AGFG2: variants seen among roughly 807,000 people sequenced by gnomAD.
AGFG2 encodes arf-GAP domain and FG repeat-containing protein 2.
A neutral mutation model predicts 48.0 loss-of-function variants in AGFG2; 31 were observed. The observed-to-expected ratio is 0.65, with a 90% confidence interval of 0.49 to 0.87. The LOEUF (loss-of-function observed/expected upper bound fraction) is 0.87, where lower values mean the gene tolerates loss of function less well. Among genes scored for constraint, AGFG2 ranks in the 40% least tolerant of loss-of-function variants. The probability of loss-of-function intolerance (pLI) is 0.00; values close to 1 mark genes in which losing one functional copy is unlikely to be tolerated. For synonymous variants in AGFG2, 229 were observed against 260.8 expected, an observed-to-expected ratio of 0.88 and a Z score of 1.18; for missense variants, 599 against 632.6, an observed-to-expected ratio of 0.95 and a Z score of 0.57.
chr7:100,561,285 C>T (rs974667389), intron 6 of AGFG2, among the ~76,000 whole-genome samples: 1 of 152,154 alleles, frequency 6.6e-6, no homozygotes, highest in Middle Eastern at 3.4e-3. Context: ...TGCCACCATG[C>T]CTGGCTAATT....
In AGFG2 at chr7:100,562,483, C is replaced by T; in HGVS notation, c.998+104C>T. 1 of 1,598,384 alleles carries T rather than the reference C, an allele frequency of 6.3e-7. No homozygotes were observed. Among genetic ancestry groups the T allele is most frequent in the Non-Finnish European group, 8.5e-7 (1 of 1,171,566 alleles). ...GGCATCTCCTGGCAGTTCTCCCCTC[C>T]CCTCCTCTCCCTTACTCACCCTGGA... On this transcript the variant is annotated intron_variant, in intron 7 of 11. Transcript: ENST00000300176. The surrounding 1 kb of genome is among the most constrained non-coding windows in gnomAD (Gnocchi z 5.4).
chr7:100,557,258 AACTG>A (rs1393042648), intron 6 of AGFG2, among the ~76,000 whole-genome samples: 4 of 152,182 alleles, frequency 2.6e-5, no homozygotes, highest in Non-Finnish European at 4.4e-5. Context: ...TACTTAAAAT[AACTG>A]ACCGCATACC....
At chr7:100,546,923 C>T (rs1222052209) in intron 1 of AGFG2, among the ~76,000 whole-genome samples, 1 of 152,132 alleles carries the variant, frequency 6.6e-6, no homozygotes, top group Non-Finnish European at 1.5e-5. Flanking sequence ...GCCTTGCTTT[C>T]GTTTTTCCCT....
At chr7:100,564,396 T>G in intron 11 of AGFG2, 93 bp downstream of exon 11, 3 of 1,333,050 alleles carry the variant, frequency 2.3e-6, no homozygotes, top group Non-Finnish European at 3.1e-6. Context: ...GTGGCCCCTG[T>G]GCCCCTTCCT....
chr7:100,551,067 T>TATATATATATATATATATA (rs1562791931), intron 3 of AGFG2, among the ~76,000 whole-genome samples: 12 of 96,758 alleles, frequency 1.2e-4, no homozygotes, highest in Non-Finnish European at 1.7e-4. Flanking sequence ...TATATATATA[T>TATATATATATATATATATA]TTCTTTTTTT....
intron 10 of AGFG2, 79 bp from the exon 11 acceptor site, chr7:100,564,139 A>G (rs2131127095): frequency 1.9e-6 from 3 of 1,544,350 alleles, no homozygotes; most frequent in East Asian, 2.3e-5. Flanking sequence ...TTACTCCCCC[A>G]GTTTAGGAGG....
At chr7:100,563,592 C>T (rs1000387614) in intron 9 of AGFG2, among the ~76,000 whole-genome samples, 2 of 152,178 alleles carry the variant, frequency 1.3e-5, no homozygotes, top group Non-Finnish European at 2.9e-5. Context: ...GAGGCTAGCC[C>T]AGTCCTGCAC....
intron 6 of AGFG2, among the ~76,000 whole-genome samples, chr7:100,559,219 A>C (rs1489129187): frequency 1.3e-5 from 2 of 152,180 alleles, no homozygotes; most frequent in Non-Finnish European, 2.9e-5. Context: ...TTCATGCATT[A>C]TGTCCATGAG....
intron 6 of AGFG2, among the ~76,000 whole-genome samples, chr7:100,557,261 T>C (rs563733599): frequency 2.0e-5 from 3 of 151,490 alleles, no homozygotes; most frequent in Non-Finnish European, 4.4e-5. Context: ...TTAAAATAAC[T>C]GACCGCATAC....
chr7:100,552,370 T>G (rs1360073973), intron 3 of AGFG2, among the ~76,000 whole-genome samples: 4 of 152,250 alleles, frequency 2.6e-5, no homozygotes, highest in Non-Finnish European at 4.4e-5. Context: ...ATATACATAT[T>G]TGATGCAAAT....
chr7:100,548,611 C>T (rs1160460289), intron 1 of AGFG2, among the ~76,000 whole-genome samples: 1 of 152,118 alleles, frequency 6.6e-6, no homozygotes, highest in African/African-American at 2.4e-5. Context: ...CTGTGCCTGG[C>T]CTCTCTTTGG....
intron 3 of AGFG2, among the ~76,000 whole-genome samples, chr7:100,551,885 CAAAAA>C (rs59484677): frequency 4.2e-4 from 7 of 16,852 alleles, no homozygotes; most frequent in Admixed American, 7.1e-4. Flanking sequence ...GAGACTGTCT[CAAAAA>C]AAAAAAAAAA....
intron 4 of AGFG2, 27 bp from the exon 5 acceptor site, chr7:100,554,066 G>A (rs765664721): frequency 1.2e-6 from 2 of 1,602,414 alleles, no homozygotes; most frequent in Admixed American, 1.7e-5. Context: ...GGATTCTAAG[G>A]GCTGTATGCA....
chr7:100,542,710 G>A (rs1420939807), intron 1 of AGFG2, among the ~76,000 whole-genome samples: 1 of 152,190 alleles, frequency 6.6e-6, no homozygotes, highest in African/African-American at 2.4e-5. Flanking sequence ...CTGGAGGCAT[G>A]GCTCCATGGT....
intron 1 of AGFG2, among the ~76,000 whole-genome samples, chr7:100,541,744 C>T (rs7799695): frequency 3.5e-5 from 5 of 143,200 alleles, no homozygotes; most frequent in South Asian, 2.2e-4. Flanking sequence ...CAGTCTGGGT[C>T]GCAGAGCGAG....
Position 100,554,203 on chromosome 7 carries a change from C to G in AGFG2, c.696C>G (p.Asp232Glu), listed in dbSNP as rs747557845. ...STDLLADIGG[D>E]PFAAPQMAPA... ...ACCTGCTGGCTGACATCGGTGGAGACCCCTTTGCTGCACCCCAGATGGCAC... is the reference window on the plus strand; with the variant it reads ...ACCTGCTGGCTGACATCGGTGGAGAGCCCTTTGCTGCACCCCAGATGGCAC... Residue 232 changes from aspartate to glutamate, a missense_variant, in exon 5 of 12, where the codon GAC becomes GAG. Transcript: ENST00000300176. 2 of 1,614,066 alleles carry G rather than the reference C, an allele frequency of 1.2e-6. No homozygotes were observed. Among genetic ancestry groups the G allele is most frequent in the African/African-American group, 2.7e-5 (2 of 74,926 alleles).
At chr7:100,553,318 C>G in intron 3 of AGFG2, 29 bp from the exon 4 acceptor site, 1 of 1,613,912 alleles carries the variant, frequency 6.2e-7, no homozygotes, top group Non-Finnish European at 8.5e-7. Flanking sequence ...TTATCCCTCT[C>G]TTTACAGCCT....
rs201582884 is a variant in AGFG2 at position 100,563,858 on chromosome 7, C to T, written c.1196C>T (p.Ala399Val). The T allele has an allele frequency of 3.1e-5, 50 of 1,611,394 alleles. No homozygotes were observed. The highest frequency in any genetic ancestry group is 4.0e-5 in the Non-Finnish European group (47 of 1,180,014). Reference protein sequence around the residue: ...APGPGFGMSSAGPGFPQAVPP... With the variant: ...APGPGFGMSSVGPGFPQAVPP... ...GGGCCCGGCTTTGGGATGAGCAGTG[C>T]TGGGCCTGGCTTCCCCCAGGCAGTG... The change falls in exon 10 of 12, where the codon GCT becomes GTT. Residue 399 changes from alanine to valine, a missense_variant. By Grantham distance (64) the Ala-to-Val change is moderately conservative. Transcript: ENST00000300176.
At chr7:100,540,119 TAAA>T (rs375004765) in intron 1 of AGFG2, among the ~76,000 whole-genome samples, 5 of 125,980 alleles carry the variant, frequency 4.0e-5, no homozygotes, top group Admixed American at 8.1e-5. Context: ...AGTACAGGAT[TAAA>T]AAAAAAAAAA....
Sources: gnomAD v4.1 joint callset for allele counts (sites outside exome capture counted in the v4.1 genomes callset) on GRCh38, gnomAD v4.1.1 for gene constraint, Gnocchi (gnomAD v3.1) non-coding constraint, MANE v1.5 for transcripts, NCBI Gene and HGNC (gene_info 2026-07-23, HGNC 2026-07-21) for gene names.